Variants in ZNF841 observed in about 807,000 individuals in gnomAD.
The protein encoded by ZNF841 is TCONS_00006091.
A neutral mutation model predicts 13.0 loss-of-function variants in ZNF841; 11 were observed. That is an observed-to-expected ratio of 0.85 (90% CI 0.53 to 1.40). The LOEUF is 1.40. Among genes scored for constraint, ZNF841 ranks in the 40% most tolerant of loss-of-function variants. The pLI, the probability that ZNF841 is intolerant of heterozygous loss-of-function variation, is 0.00. For missense variants in ZNF841, 1,068 were observed against 1,139.5 expected (o/e 0.94, Z 0.90); for synonymous variants, 369 against 381.6 (o/e 0.97, Z 0.38).
rs115348064 is a variant in ZNF841 at position 52,085,323 on chromosome 19, G to C, written c.-77-445C>G. 2.4e-3 allele frequency among the ~76,000 whole-genome samples: 358 copies of C among 152,312 alleles called. 1 individual carries two copies. The highest frequency in any genetic ancestry group is 8.4e-3 in the African/African-American group (349 of 41,570). On this transcript the variant is annotated intron_variant, in intron 3 of 6. Transcript: ENST00000594440. ...GAGTCCATCCTACCTACTGGAAGTG[G>C]AATCTATGGTAAAAGGGCACAAAAC...
chr19:52,064,381 A>AAAAAAAAAAAAAAAAC (rs2087469889), downstream of ZNF841: 1 of 135,988 alleles, frequency 7.4e-6, no homozygotes, highest in African/African-American at 3.5e-5. Context: ...AAAAAAAAAA[A>AAAAAAAAAAAAAAAAC]AAAAAAAACT....
At chr19:52,073,953 A>G (rs556855805) in intron 6 of ZNF841, among the ~76,000 whole-genome samples, 6 of 152,354 alleles carry the variant, frequency 3.9e-5, no homozygotes, top group African/African-American at 1.4e-4. Context: ...CACAATTAAG[A>G]TAGTAACTTA....
chr19:52,091,575 T>A (rs993094297), intron 2 of ZNF841, among the ~76,000 whole-genome samples: 1 of 151,940 alleles, frequency 6.6e-6, no homozygotes, highest in Non-Finnish European at 1.5e-5. Context: ...ACCAAGAATA[T>A]ACAATGAGGA....
At chr19:52,084,490 AC>A (rs1434462355) in intron 4 of ZNF841, among the ~76,000 whole-genome samples, 1 of 152,110 alleles carries the variant, frequency 6.6e-6, no homozygotes, top group East Asian at 1.9e-4. Flanking sequence ...TTGCCCCTAA[AC>A]AATCTCTGCT....
rs781211199 is a variant in ZNF841 at position 52,090,630 on chromosome 19, AGAAG to A, written c.-143-1632_-143-1629del. Among the ~76,000 whole-genome samples the A allele has an allele frequency of 3.9e-3, 353 of 90,566 alleles. 1 individual carries two copies. The highest frequency in any genetic ancestry group is 6.3e-3 in the South Asian group (15 of 2,396). The allele number at this position is 90,566 out of a possible 152,430, so 59.4% of individuals were successfully genotyped here. ...CTTAAAAAAAGAAAGAAAGAAAGAA[AGAAG>A]GAAGGAAGGAAGGAAGGAAGGAAAG... On this transcript the variant is annotated intron_variant, in intron 2 of 6. Transcript: ENST00000594440.
At position 52,065,421 on chromosome 19, in the gene ZNF841, A is replaced by G. The variant is rs753575932; in HGVS notation, c.2461T>C (p.Tyr821His). 2 of 1,613,340 alleles carry G rather than the reference A, an allele frequency of 1.2e-6. No individual in the cohort carries two copies. The highest frequency in any genetic ancestry group is 2.7e-5 in the African/African-American group (2 of 74,852). The change falls in exon 7 of 7, where the codon TAT (tyrosine) becomes CAT (histidine). Residue 821 changes from tyrosine (Y) to histidine (H), a missense_variant. Transcript: ENST00000594440. ...GCTTTACCACATTCATTACATTTAT[A>G]AGGTTTCTCTCCAGTATGCATCATC... ...HQMMHTGEKP[Y>H]KCNECGKAFI...
At chr19:52,078,937 C>T (rs2088000581) in intron 4 of ZNF841, among the ~76,000 whole-genome samples, 2 of 152,168 alleles carry the variant, frequency 1.3e-5, no homozygotes, top group African/African-American at 4.8e-5. Flanking sequence ...AAATAAGACG[C>T]TATCTCTCAA....
At chr19:52,075,327 C>A (rs1042930482) in intron 6 of ZNF841, among the ~76,000 whole-genome samples, 1 of 152,162 alleles carries the variant, frequency 6.6e-6, no homozygotes, top group African/African-American at 2.4e-5. Context: ...GTCCACAGAT[C>A]CCAAACTAAG....
chr19:52,059,390 T>TATATATATACACAC, the ZNF841 span, among the ~76,000 whole-genome samples: 2 of 96,360 alleles, frequency 2.1e-5, no homozygotes, highest in Admixed American at 1.4e-4. Flanking sequence ...TATATATATA[T>TATATATATACACAC]ACACACACAC....
At chr19:52,061,082 G>T (rs61022997), downstream of ZNF841, among the ~76,000 whole-genome samples, 216 of 152,306 alleles carry the variant, frequency 1.4e-3, no homozygotes, top group African/African-American at 4.7e-3. Context: ...AGAGATGTCT[G>T]ACAGACTAAG....
intron 6 of ZNF841, among the ~76,000 whole-genome samples, chr19:52,068,163 A>G (rs1412171729): frequency 6.6e-6 from 1 of 152,200 alleles, no homozygotes; most frequent in Non-Finnish European, 1.5e-5. Flanking sequence ...ACAATTCTCC[A>G]TCAATAATAA....
At chr19:52,081,778 C>G (rs984333361) in intron 4 of ZNF841, among the ~76,000 whole-genome samples, 2 of 152,018 alleles carry the variant, frequency 1.3e-5, no homozygotes, top group East Asian at 3.9e-4. Context: ...CATTTGAACC[C>G]GGGAGGCAGA....
At chr19:52,083,141 GAATT>G (rs2088153523) in intron 4 of ZNF841, among the ~76,000 whole-genome samples, 2 of 151,456 alleles carry the variant, frequency 1.3e-5, no homozygotes, top group Admixed American at 1.3e-4. Context: ...ATTCACTTAA[GAATT>G]GTTTTCTAAA....
At chr19:52,070,602 T>C (rs942570398) in intron 6 of ZNF841, among the ~76,000 whole-genome samples, 2 of 152,232 alleles carry the variant, frequency 1.3e-5, no homozygotes, top group Admixed American at 6.5e-5. Context: ...GCCCACATCC[T>C]GCATTCATGA....
chr19:52,080,400 G>T (rs2088059309), intron 4 of ZNF841, among the ~76,000 whole-genome samples: 1 of 152,126 alleles, frequency 6.6e-6, no homozygotes, highest in Non-Finnish European at 1.5e-5. Context: ...AGGAAAATTT[G>T]AAGCATCCAC....
chr19:52,065,362 C>T lies in ZNF841; in HGVS notation c.2520G>A (p.Gln840=). The change falls in exon 7 of 7, where the codon CAG becomes CAA. Residue 840 remains glutamine (Q), a synonymous_variant. Coordinates refer to ENST00000594440, the MANE Select transcript of ZNF841 (RefSeq NM_001136499.2). ...FIERSNLVYH[Q]RNHTGEKPYK... is the part of the protein sequence containing the mutation. ...ATGGCTTCTCTCCAGTATGGTTTCT[C>T]TGATGGTAAACCAAGTTTGACCTTT... 1 of 1,607,684 alleles carries T rather than the reference C, an allele frequency of 6.2e-7. No individual in the cohort carries two copies. The highest frequency in any genetic ancestry group is 8.5e-7 in the Non-Finnish European group (1 of 1,176,576).
intron 1 of ZNF841, among the ~76,000 whole-genome samples, chr19:52,094,439 T>C (rs545146812): frequency 2.6e-5 from 4 of 152,078 alleles, no homozygotes; most frequent in Non-Finnish European, 5.9e-5. Flanking sequence ...CACCCCTTTC[T>C]TTATTCCCTC....
intron 4 of ZNF841, among the ~76,000 whole-genome samples, chr19:52,084,224 T>C (rs1428706392): frequency 6.6e-6 from 1 of 152,166 alleles, no homozygotes; most frequent in African/African-American, 2.4e-5. Context: ...TTAAAATCAA[T>C]GATGGAATAA....
At chr19:52,078,744 C>T (rs2087995006) in intron 4 of ZNF841, among the ~76,000 whole-genome samples, 1 of 149,918 alleles carries the variant, frequency 6.7e-6, no homozygotes, top group Non-Finnish European at 1.5e-5. Flanking sequence ...CATTTTAAGG[C>T]CATAGAAACA....
Sources: allele counts gnomAD v4.1 joint callset (sites outside exome capture counted in the v4.1 genomes callset), GRCh38; gene constraint gnomAD v4.1.1; transcripts MANE v1.5; gene names NCBI Gene and HGNC (gene_info 2026-07-23, HGNC 2026-07-21).